Variants in TMC1 observed in about 807,000 individuals in gnomAD.
The protein encoded by TMC1 is transmembrane channel-like protein 1.
In TMC1, 84 loss-of-function variants were observed where a neutral mutation model predicts 105.8. The ratio of observed to expected loss-of-function variants is 0.79; its 90% CI spans 0.67 to 0.95. The LOEUF (loss-of-function observed/expected upper bound fraction) is 0.95, where lower values mean the gene tolerates loss of function less well. Ranked by LOEUF, TMC1 falls within the 40% of genes least tolerant of loss-of-function variation. The pLI is 0.00. For synonymous variants in TMC1, 315 were observed against 311.5 expected (o/e 1.01, Z -0.12); for missense variants, 817 against 914.1 (o/e 0.89, Z 1.37).
intron 17 of TMC1, among the ~76,000 whole-genome samples, chr9:72,800,575 G>T (rs1256567770): frequency 2.0e-5 from 3 of 151,752 alleles, no homozygotes; most frequent in Non-Finnish European, 4.4e-5. Flanking sequence ...CACACATACT[G>T]ACTTAAAAGA....
intron 12 of TMC1, among the ~76,000 whole-genome samples, chr9:72,760,166 G>A (rs975717063): frequency 1.3e-5 from 2 of 151,646 alleles, no homozygotes. Flanking sequence ...TGCTTTGGTT[G>A]GTTAGCAAAG....
intron 5 of TMC1, among the ~76,000 whole-genome samples, chr9:72,681,208 T>C (rs1300128530): frequency 1.3e-5 from 2 of 152,154 alleles, no homozygotes; most frequent in African/African-American, 4.8e-5. Flanking sequence ...TTTATGGTGG[T>C]AATTGCAATG....
At chr9:72,737,155 G>C (rs1210264567) in intron 8 of TMC1, among the ~76,000 whole-genome samples, 1 of 152,010 alleles carries the variant, frequency 6.6e-6, no homozygotes, top group Non-Finnish European at 1.5e-5. Context: ...TGGATTTTGT[G>C]TATTCCTACG....
At chr9:72,690,707 C>T (rs1441855764) in intron 6 of TMC1, among the ~76,000 whole-genome samples, 1 of 151,992 alleles carries the variant, frequency 6.6e-6, no homozygotes, top group African/African-American at 2.4e-5. Flanking sequence ...TGAAGGTTTC[C>T]TTGTACATGA....
At chr9:72,562,317 A>C (rs2132080630) in intron 1 of TMC1, among the ~76,000 whole-genome samples, 1 of 152,318 alleles carries the variant, frequency 6.6e-6, no homozygotes, top group East Asian at 1.9e-4. Flanking sequence ...TACGTAAAAC[A>C]TCCTATGCTC....
intron 1 of TMC1, among the ~76,000 whole-genome samples, chr9:72,537,555 C>A (rs1254661091): frequency 6.6e-6 from 1 of 152,150 alleles, no homozygotes; most frequent in Non-Finnish European, 1.5e-5. Flanking sequence ...AGACAGGTCT[C>A]AATCAATGTA....
chr9:72,566,345 C>G (rs1564414418), intron 1 of TMC1, among the ~76,000 whole-genome samples: 1 of 152,172 alleles, frequency 6.6e-6, no homozygotes, highest in Non-Finnish European at 1.5e-5. Flanking sequence ...ACCTCTCTCC[C>G]TCCATCATCC....
In TMC1 at chr9:72,713,085, C is replaced by T. The variant is rs148414121; in HGVS notation, c.362+12442C>T. 7.2e-3 allele frequency among the ~76,000 whole-genome samples: 1,096 copies of T among 152,030 alleles called. 4 individuals are homozygous for T. Among genetic ancestry groups the T allele is most frequent in the Middle Eastern group, 0.014 (4 of 292 alleles). ...ATGTGATGGATTACATTTATTGATT[C>T]GCATATGTTGAACCAGCCTTGCATC... On this transcript the variant is annotated intron_variant, in intron 8 of 23. Transcript: ENST00000297784.
intron 2 of TMC1, among the ~76,000 whole-genome samples, chr9:72,595,527 G>T (rs1824703407): frequency 6.6e-6 from 1 of 152,138 alleles, no homozygotes; most frequent in Admixed American, 6.5e-5. Flanking sequence ...TTGATCCAGT[G>T]GCTCAGTGAT....
intron 2 of TMC1, among the ~76,000 whole-genome samples, chr9:72,594,870 T>TTC (rs1352822018): frequency 1.6e-3 from 212 of 134,986 alleles, no homozygotes; most frequent in African/African-American, 4.7e-3. Context: ...CTTCTTCTTC[T>TTC]TTTTTTTTTT....
intron 5 of TMC1, among the ~76,000 whole-genome samples, chr9:72,668,498 T>C (rs1588022139): frequency 6.6e-6 from 1 of 152,220 alleles, no homozygotes; most frequent in Non-Finnish European, 1.5e-5. Context: ...CTCTGTACAA[T>C]GAGGATCATC....
At chr9:72,693,239 T>C (rs1038488647) in intron 6 of TMC1, among the ~76,000 whole-genome samples, 3 of 152,092 alleles carry the variant, frequency 2.0e-5, no homozygotes, top group African/African-American at 7.2e-5. Flanking sequence ...TAACAAGTGG[T>C]AATTAAAGAT....
intron 18 of TMC1, among the ~76,000 whole-genome samples, chr9:72,810,920 G>A (rs565855622): frequency 1.3e-5 from 2 of 152,192 alleles, no homozygotes; most frequent in East Asian, 3.9e-4. Context: ...ATTTCTCTGA[G>A]TTGAATTGCT....
rs1048717892 is a variant in TMC1, at chr9:72,693,106, C to T, written c.65-1437C>T. Among the ~76,000 whole-genome samples, 3 of 123,506 alleles carry T rather than the reference C, an allele frequency of 2.4e-5. No individual in the cohort carries two copies. The South Asian group carries it at 7.7e-4, about 32-fold the overall frequency. 81.0% of individuals were successfully genotyped at this position (123,506 alleles called of 152,430 possible). A position where few individuals can be genotyped will look rare whatever the true frequency, so the allele number is the denominator to read the frequency against. On this transcript the variant is annotated intron_variant, in intron 6 of 23. Coordinates refer to ENST00000297784, the MANE Select transcript of TMC1 (RefSeq NM_138691.3). ...TTGTACTCCAGCTTGGGTGATAGAA[C>T]AAAATTGTGTCTCAAAAAAAAAAAA...
At chr9:72,662,216 T>C (rs1360161936) in intron 5 of TMC1, among the ~76,000 whole-genome samples, 1 of 150,820 alleles carries the variant, frequency 6.6e-6, no homozygotes, top group Non-Finnish European at 1.5e-5. Flanking sequence ...AGATAGAGTC[T>C]TGCTCTGTCA....
At chr9:72,655,984 A>G (rs758180788) in intron 5 of TMC1, 194 of 781,758 alleles carry the variant, frequency 2.5e-4, no homozygotes, top group Non-Finnish European at 1.5e-4. Context: ...CCTTCACCAC[A>G]TGGAGTTTTT....
At chr9:72,531,955 G>A (rs1823504434) in intron 1 of TMC1, among the ~76,000 whole-genome samples, 1 of 151,922 alleles carries the variant, frequency 6.6e-6, no homozygotes, top group Non-Finnish European at 1.5e-5. Flanking sequence ...TATTCGAGAT[G>A]GAGTCTTGCT....
chr9:72,774,459 C>T (rs548442127), intron 13 of TMC1, among the ~76,000 whole-genome samples: 5 of 152,088 alleles, frequency 3.3e-5, no homozygotes, highest in East Asian at 3.8e-4. Context: ...TTATACCAGT[C>T]GCATTTCAAT....
rs563322370 is a variant in TMC1 at position 72,826,915 on chromosome 9, G to C, written c.2050G>C (p.Asp684His). ...FEVIGETLEHDFPSWMAKILR... is the reference protein window; with the variant it reads ...FEVIGETLEHHFPSWMAKILR... ...AGTCATTGGAGAGACCCTGGAGCAC[G>C]ATTTCCCAAGCTGGATGGCGAAGAT... is the stretch of plus-strand genomic sequence containing the variant. Residue 684 changes from aspartate to histidine, a missense_variant, in exon 21 of 24, where the codon GAT becomes CAT. Transcript: ENST00000297784. The C allele has an allele frequency of 1.5e-5, 24 of 1,613,968 alleles. No homozygotes were observed. In the East Asian group the frequency reaches 4.9e-4, roughly 33 times the overall value.
Sources: gnomAD v4.1 joint callset for allele counts (sites outside exome capture counted in the v4.1 genomes callset) on GRCh38, gnomAD v4.1.1 for gene constraint, MANE v1.5 for transcripts, NCBI Gene and HGNC (gene_info 2026-07-23, HGNC 2026-07-21) for gene names.